RANBP2: variants seen among roughly 807,000 people sequenced by gnomAD.
RANBP2 encodes the protein RAN binding protein 2, also known as E3 SUMO-protein ligase RanBP2.
In RANBP2, 57 loss-of-function variants were observed where a neutral mutation model predicts 303.6. The ratio of observed to expected loss-of-function variants is 0.19; its 90% CI spans 0.15 to 0.23. The LOEUF (loss-of-function observed/expected upper bound fraction) is 0.23. RANBP2 is among the 10% of genes least tolerant of loss of function. The pLI is 1.00. For missense variants in RANBP2, 3,138 were observed against 3,780.8 expected (o/e 0.83, Z 4.46); for synonymous variants, 1,167 against 1,301.5 (o/e 0.90, Z 2.23).
the RANBP2 span, among the ~76,000 whole-genome samples, chr2:108,958,309 G>A: frequency 6.6e-6 from 1 of 152,112 alleles, no homozygotes. Flanking sequence ...CTGGCTGCTT[G>A]AGGTACTTCA....
Position 108,767,292 on chromosome 2 carries a change from C to T in RANBP2, c.6753C>T (p.Ser2251=), listed in dbSNP as rs574890459. The change falls in exon 20 of 29, where the codon AGC becomes AGT. Residue 2251 remains serine, a synonymous_variant. Transcript: ENST00000283195. Reference sequence around the variant, plus strand: ...TACATGCTTCTCCATTGGCAAGTAGCCCTGTGAGAAAAAATCTTTTCCGTT... The same window carrying T: ...TACATGCTTCTCCATTGGCAAGTAGTCCTGTGAGAAAAAATCTTTTCCGTT... ...SSVHASPLAS[S]PVRKNLFRFG... is the part of the protein sequence containing the mutation. 8.1e-6 allele frequency: 13 copies of T among 1,611,952 alleles called. No homozygotes were observed. The East Asian group carries it at 2.9e-4, about 36-fold the overall frequency.
the RANBP2 span, among the ~76,000 whole-genome samples, chr2:109,619,493 A>AT: frequency 6.6e-6 from 1 of 152,118 alleles, no homozygotes; most frequent in African/African-American, 2.4e-5. Flanking sequence ...TGTGATCTGT[A>AT]TTTTTAGCAA....
chr2:108,772,655 A>C, intron 22 of RANBP2, 74 bp downstream of exon 22: 1 of 1,411,670 alleles, frequency 7.1e-7, no homozygotes, highest in Non-Finnish European at 9.8e-7. Flanking sequence ...CTAGTCTGAT[A>C]ATTTCTATAA....
chr2:109,402,700 T>C, the RANBP2 span, among the ~76,000 whole-genome samples: 2 of 152,308 alleles, frequency 1.3e-5, no homozygotes, highest in South Asian at 4.1e-4. Context: ...AGACTGGGGC[T>C]GTAGGGGAAG....
At chr2:109,620,028 G>C in the RANBP2 span, among the ~76,000 whole-genome samples, 1 of 152,080 alleles carries the variant, frequency 6.6e-6, no homozygotes, top group Non-Finnish European at 1.5e-5. Flanking sequence ...CTCTTTAAAT[G>C]TCAGTTTCAT....
At chr2:109,397,142 CAG>C in the RANBP2 span, among the ~76,000 whole-genome samples, 1 of 152,148 alleles carries the variant, frequency 6.6e-6, no homozygotes, top group Non-Finnish European at 1.5e-5. Flanking sequence ...CCCTGGCAGA[CAG>C]AATGTGCCAG....
At chr2:109,243,036 T>C in the RANBP2 span, among the ~76,000 whole-genome samples, 1 of 152,092 alleles carries the variant, frequency 6.6e-6, no homozygotes, top group Non-Finnish European at 1.5e-5. Context: ...GAATTTAGAG[T>C]GTCGTGATTT....
the RANBP2 span, among the ~76,000 whole-genome samples, chr2:109,118,425 C>A: frequency 6.6e-6 from 1 of 151,700 alleles, no homozygotes; most frequent in African/African-American, 2.4e-5. Flanking sequence ...TGCCTGCAGA[C>A]CCTGACCCAA....
At chr2:108,844,003 G>A in the RANBP2 span, among the ~76,000 whole-genome samples, 4 of 148,348 alleles carry the variant, frequency 2.7e-5, no homozygotes, top group East Asian at 4.1e-4. Context: ...CTGGGACCAC[G>A]GTCATGTACT....
At chr2:109,055,503 GGT>G in the RANBP2 span, among the ~76,000 whole-genome samples, 2 of 150,068 alleles carry the variant, frequency 1.3e-5, no homozygotes, top group African/African-American at 4.9e-5. Context: ...CAGGACTACA[GGT>G]GCATGCCACC....
chr2:109,399,892 G>T, the RANBP2 span, among the ~76,000 whole-genome samples: 1 of 152,176 alleles, frequency 6.6e-6, no homozygotes, highest in African/African-American at 2.4e-5. Context: ...TGAGCCCAAG[G>T]TGCCCACACA....
the RANBP2 span, among the ~76,000 whole-genome samples, chr2:109,167,421 T>C: frequency 6.6e-6 from 1 of 152,216 alleles, no homozygotes; most frequent in Non-Finnish European, 1.5e-5. Context: ...TGAAGGTTTA[T>C]ATCCTGGCAA....
chr2:109,053,719 C>T, the RANBP2 span, among the ~76,000 whole-genome samples: 6,112 of 152,312 alleles, frequency 0.04, 137 homozygotes, highest in African/African-American at 0.046. Flanking sequence ...AACCAGTGCT[C>T]AGCGAACCTG....
the RANBP2 span, among the ~76,000 whole-genome samples, chr2:109,730,082 T>C: frequency 1.3e-5 from 2 of 152,124 alleles, no homozygotes; most frequent in Non-Finnish European, 2.9e-5. Flanking sequence ...TACAGGTCCC[T>C]CCCTCAACAC....
chr2:109,046,777 G>T, the RANBP2 span, among the ~76,000 whole-genome samples: 10 of 152,034 alleles, frequency 6.6e-5, no homozygotes, highest in Admixed American at 2.6e-4. Context: ...GTCCCTTCCT[G>T]CCTCCTCTGG....
At chr2:109,535,691 G>C in the RANBP2 span, among the ~76,000 whole-genome samples, 1 of 152,184 alleles carries the variant, frequency 6.6e-6, no homozygotes, top group Non-Finnish European at 1.5e-5. Context: ...AGGCACAAGG[G>C]CATTTGCATG....
chr2:109,512,131 G>C, the RANBP2 span, among the ~76,000 whole-genome samples: 1 of 152,122 alleles, frequency 6.6e-6, no homozygotes, highest in Non-Finnish European at 1.5e-5. Flanking sequence ...ACACTTTTAG[G>C]GGGCTTGTCC....
chr2:109,578,307 G>A, the RANBP2 span, among the ~76,000 whole-genome samples: 1 of 152,088 alleles, frequency 6.6e-6, no homozygotes, highest in African/African-American at 2.4e-5. Context: ...AAGCACAAGG[G>A]CACAGAAAGG....
chr2:109,736,206 C>T, the RANBP2 span, among the ~76,000 whole-genome samples: 2 of 152,320 alleles, frequency 1.3e-5, no homozygotes, highest in South Asian at 2.1e-4. Flanking sequence ...TTCCCAGCCT[C>T]GGTAGCCCCC....
Sources: gnomAD v4.1 joint callset for allele counts (sites outside exome capture counted in the v4.1 genomes callset) on GRCh38, gnomAD v4.1.1 for gene constraint, MANE v1.5 for transcripts, NCBI Gene and HGNC (gene_info 2026-07-23, HGNC 2026-07-21) for gene names.